DNMT3B: variants seen among roughly 807,000 people sequenced by gnomAD.
DNMT3B encodes DNA (cytosine-5)-methyltransferase 3B.
A neutral mutation model predicts 120.2 loss-of-function variants in DNMT3B; 37 were observed. That is an observed-to-expected ratio of 0.31 (90% CI 0.24 to 0.40). The LOEUF is 0.40. DNMT3B is among the 10% of genes least tolerant of loss of function. The pLI is 1.00. For missense variants in DNMT3B, 878 were observed against 1,137.3 expected (o/e 0.77, Z 3.28); for synonymous variants, 412 against 442.8 (o/e 0.93, Z 0.87).
chr20:32,775,472 C>T (rs969863047), intron 1 of DNMT3B, among the ~76,000 whole-genome samples: 4 of 152,212 alleles, frequency 2.6e-5, no homozygotes, highest in African/African-American at 9.6e-5. Flanking sequence ...TTGCCACCTA[C>T]CCCTCTGTCT....
intron 17 of DNMT3B, 122 bp downstream of exon 17, chr20:32,800,420 G>T (rs1981188576): frequency 1.4e-6 from 2 of 1,429,768 alleles, no homozygotes; most frequent in East Asian, 4.8e-5. Flanking sequence ...TTGAAATCCT[G>T]TGGGAATCTT....
At chr20:32,772,670 T>C (rs76647833) in intron 1 of DNMT3B, among the ~76,000 whole-genome samples, 3,327 of 152,226 alleles carry the variant, frequency 0.022, 121 homozygotes, top group African/African-American at 0.074. Context: ...TTGTGATTTC[T>C]GTATAAAGGG....
At chr20:32,778,137 G>A (rs959037631) in intron 1 of DNMT3B, among the ~76,000 whole-genome samples, 2 of 152,140 alleles carry the variant, frequency 1.3e-5, no homozygotes, top group African/African-American at 4.8e-5. Flanking sequence ...AAGACATCGA[G>A]ACCATCCTGG....
At position 32,796,818 on chromosome 20, in the gene DNMT3B, C is replaced by T. The variant is rs765591135; in HGVS notation, c.1326C>T (p.Asn442=). The T allele has an allele frequency of 6.2e-7, 1 of 1,606,150 alleles. No homozygotes were observed. The highest frequency in any genetic ancestry group is 8.5e-7 in the Non-Finnish European group (1 of 1,177,598). The change falls in exon 13 of 23, where the codon AAC becomes AAT. Residue 442 remains asparagine, a synonymous_variant. Coordinates refer to ENST00000328111, the MANE Select transcript of DNMT3B (RefSeq NM_006892.4). The part of the protein sequence containing the change: ...EDGCLSCGRK[N]PVSFHPLFEG... Reference sequence around the variant, plus strand: ...GCTGTTTGTCTTGTGGCAGGAAAAACCCCGTGTCCTTCCACCCTCTCTTTG... The same window carrying T: ...GCTGTTTGTCTTGTGGCAGGAAAAATCCCGTGTCCTTCCACCCTCTCTTTG...
At chr20:32,806,453 A>T (rs1201240580) in intron 22 of DNMT3B, 126 bp downstream of exon 22, 1 of 889,442 alleles carries the variant, frequency 1.1e-6, no homozygotes, top group Non-Finnish European at 1.8e-6. Context: ...GGCGAGGAGT[A>T]ATAATACCTT....
At chr20:32,802,249 G>A in intron 19 of DNMT3B, 136 bp from the exon 20 acceptor site, 1 of 896,394 alleles carries the variant, frequency 1.1e-6, no homozygotes, top group Non-Finnish European at 1.9e-6. Context: ...GCCTCCTGAT[G>A]GCAGTAGGTC....
chr20:32,798,372 G>T, intron 14 of DNMT3B, 88 bp from the exon 15 acceptor site: 3 of 1,546,412 alleles, frequency 1.9e-6, no homozygotes, highest in Non-Finnish European at 1.8e-6. Flanking sequence ...TCAGGAGGGG[G>T]TTGGCATTTC....
intron 19 of DNMT3B, among the ~76,000 whole-genome samples, chr20:32,802,105 G>C (rs1981409685): frequency 6.6e-6 from 1 of 152,170 alleles, no homozygotes; most frequent in Non-Finnish European, 1.5e-5. Context: ...AGGATCACTT[G>C]AGCCCACGGT....
chr20:32,800,142 G>C lies in DNMT3B; in HGVS notation c.1760-11G>C. 6.2e-7 allele frequency: 1 copy of C among 1,614,150 alleles called. No individual in the cohort carries two copies. The highest frequency in any genetic ancestry group is 1.1e-5 in the South Asian group (1 of 91,084). ...ATCATTTATGCTTCTGTGTCTCTCT[G>C]GCCCCCACAGGCTACCTAGTCCTCA... On this transcript the variant is annotated splice_polypyrimidine_tract_variant and intron_variant, in intron 16 of 22. Transcript: ENST00000328111.
chr20:32,780,323 C>A lies in DNMT3B; in HGVS notation c.-1C>A. ...CATTCTGGCTTCTCCCACAGGAAAG[C>A]ATGAAGGGAGACACCAGGCATCTCA... On this transcript the variant is annotated 5_prime_UTR_variant, in exon 2 of 23. Transcript: ENST00000328111. The A allele has an allele frequency of 6.2e-7, 1 of 1,613,980 alleles. No homozygotes were observed. The highest frequency in any genetic ancestry group is 8.5e-7 in the Non-Finnish European group (1 of 1,180,004).
intron 1 of DNMT3B, among the ~76,000 whole-genome samples, chr20:32,779,354 G>A (rs546486835): frequency 2.6e-4 from 40 of 152,352 alleles, no homozygotes; most frequent in Admixed American, 2.2e-3. Flanking sequence ...TGACCTTGGA[G>A]AATAACCTAG....
chr20:32,780,652 C>G (rs867493361), intron 2 of DNMT3B, among the ~76,000 whole-genome samples, 187 bp downstream of exon 2: 78 of 152,286 alleles, frequency 5.1e-4, no homozygotes, highest in Middle Eastern at 3.4e-3. Flanking sequence ...CTTGGCCTCC[C>G]CTTTGGGACT....
At chr20:32,774,523 T>TTC (rs1555833958) in intron 1 of DNMT3B, among the ~76,000 whole-genome samples, 4 of 149,246 alleles carry the variant, frequency 2.7e-5, no homozygotes, top group African/African-American at 9.9e-5. Flanking sequence ...TTTTTTTTTT[T>TTC]TTTTTTTAGA....
intron 1 of DNMT3B, among the ~76,000 whole-genome samples, chr20:32,774,973 C>T (rs1370592560): frequency 6.6e-6 from 1 of 152,068 alleles, no homozygotes; most frequent in East Asian, 1.9e-4. Flanking sequence ...CAACCCGCTT[C>T]AGCCTCCCAA....
At chr20:32,805,973 T>C (rs1225241948) in intron 21 of DNMT3B, among the ~76,000 whole-genome samples, 1 of 152,146 alleles carries the variant, frequency 6.6e-6, no homozygotes, top group Admixed American at 6.5e-5. Flanking sequence ...TTGGCATTTG[T>C]GGGAAGCACA....
At position 32,787,404 on chromosome 20, in the gene DNMT3B, C is replaced by T. The variant is rs1441646586; in HGVS notation, c.607C>T (p.Pro203Ser). The T allele has an allele frequency of 2.5e-6, 4 of 1,614,234 alleles. No homozygotes were observed. Among genetic ancestry groups the T allele is most frequent in the Admixed American group, 1.7e-5 (1 of 60,026 alleles). The stretch of plus-strand genomic sequence containing the variant: ...CAGCCAGCAGGGGGGCATGGAGTCC[C>T]CGCAGGTGGAGGCAGACAGTGGAGA... Reference protein sequence around the residue: ...QDSQQGGMESPQVEADSGDGD... With the variant: ...QDSQQGGMESSQVEADSGDGD... The change falls in exon 6 of 23, where the codon CCG becomes TCG. Residue 203 changes from proline to serine, a missense_variant. Physicochemically the swap from Pro to Ser is moderately conservative, Grantham distance 74. Coordinates refer to ENST00000328111, the MANE Select transcript of DNMT3B (RefSeq NM_006892.4).
Position 32,795,525 on chromosome 20 carries a change from C to G in DNMT3B, c.1243C>G (p.Gln415Glu), listed in dbSNP as rs1980508005. ...NNGKDRGDED[Q>E]SREQMASDVA... ...CGGCAAAGACCGAGGGGATGAAGAT[C>G]AGAGCCGAGGTGATTGTTGGGTACC... Residue 415 changes from glutamine to glutamate, a missense_variant, in exon 11 of 23, where the codon CAG becomes GAG. Coordinates refer to ENST00000328111, the MANE Select transcript of DNMT3B (RefSeq NM_006892.4). The G allele has an allele frequency of 1.2e-6, 2 of 1,614,162 alleles. No individual in the cohort carries two copies. Among genetic ancestry groups the G allele is most frequent in the Non-Finnish European group, 1.7e-6 (2 of 1,180,024 alleles).
chr20:32,767,870 G>A (rs1294278762), intron 1 of DNMT3B, among the ~76,000 whole-genome samples: 1 of 152,204 alleles, frequency 6.6e-6, no homozygotes, highest in Non-Finnish European at 1.5e-5. Context: ...CTCTTAGTAG[G>A]CTTTTCTGGA....
In DNMT3B at chr20:32,792,776, AATGAGT is replaced by A; in HGVS notation, c.1066+7_1066+12del. The A allele has an allele frequency of 6.2e-7, 1 of 1,613,956 alleles. No homozygotes were observed. Among genetic ancestry groups the A allele is most frequent in the Non-Finnish European group, 8.5e-7 (1 of 1,179,936 alleles). On this transcript the variant is annotated splice_region_variant and intron_variant, in intron 9 of 22. Coordinates refer to ENST00000328111, the MANE Select transcript of DNMT3B (RefSeq NM_006892.4). ...ACCCAACAACACGCAACCAGGTGGG[AATGAGT>A]CCCCATGGCAGCACCCGCTGCCTCT...
Sources: gnomAD v4.1 joint callset for allele counts (sites outside exome capture counted in the v4.1 genomes callset) on GRCh38, gnomAD v4.1.1 for gene constraint, MANE v1.5 for transcripts, NCBI Gene and HGNC (gene_info 2026-07-23, HGNC 2026-07-21) for gene names.